The following SPOCK3 variants were observed in gnomAD, a reference collection of about 807,000 sequenced individuals.
SPOCK3 encodes testican-3.
A neutral mutation model predicts 56.6 loss-of-function variants in SPOCK3; 30 were observed. The observed-to-expected ratio is 0.53, with a 90% CI of 0.40 to 0.72. The LOEUF (loss-of-function observed/expected upper bound fraction) is 0.72. SPOCK3 is among the 30% of genes least tolerant of loss of function. The pLI is 0.00. For missense variants in SPOCK3, 527 were observed against 530.0 expected (o/e 0.99, Z 0.06); for synonymous variants, 196 against 183.3 (o/e 1.07, Z -0.56).
chr4:167,093,672 T>G (rs2150313493), intron 2 of SPOCK3, among the ~76,000 whole-genome samples: 1 of 152,356 alleles, frequency 6.6e-6, no homozygotes, highest in South Asian at 2.1e-4. Context: ...ATGTGCCACA[T>G]TTTGTTTTTC....
At chr4:167,030,107 A>G (rs1029011966) in intron 3 of SPOCK3, among the ~76,000 whole-genome samples, 1 of 151,132 alleles carries the variant, frequency 6.6e-6, no homozygotes, top group African/African-American at 2.4e-5. Flanking sequence ...CTATCTATCT[A>G]TCTATCTATC....
intron 2 of SPOCK3, among the ~76,000 whole-genome samples, chr4:167,209,906 G>T (rs1245829897): frequency 1.3e-5 from 2 of 152,104 alleles, no homozygotes; most frequent in Admixed American, 1.3e-4. Flanking sequence ...TTCTCACTCT[G>T]CTTTCTATTT....
At chr4:167,063,733 A>G (rs1305208694) in intron 2 of SPOCK3, among the ~76,000 whole-genome samples, 2 of 151,872 alleles carry the variant, frequency 1.3e-5, no homozygotes, top group African/African-American at 4.8e-5. Context: ...GTCAATGTGT[A>G]CACATTATTT....
chr4:166,944,553 G>T (rs979439371), intron 4 of SPOCK3, among the ~76,000 whole-genome samples: 14 of 152,062 alleles, frequency 9.2e-5, no homozygotes, highest in Admixed American at 9.2e-4. Context: ...TCTTGAGGGA[G>T]GGGTGGATTT....
chr4:167,039,706 T>C (rs752994219), intron 3 of SPOCK3, among the ~76,000 whole-genome samples: 1 of 151,986 alleles, frequency 6.6e-6, no homozygotes, highest in African/African-American at 2.4e-5. Flanking sequence ...AAAGTTGCAC[T>C]GTATACACTG....
chr4:166,850,578 GC>G (rs1177810671), intron 6 of SPOCK3, among the ~76,000 whole-genome samples: 1 of 152,186 alleles, frequency 6.6e-6, no homozygotes, highest in East Asian at 1.9e-4. Context: ...ACTAGGGAGT[GC>G]CAGACAGCGG....
At chr4:167,096,104 A>T (rs1488921043) in intron 2 of SPOCK3, among the ~76,000 whole-genome samples, 5 of 151,950 alleles carry the variant, frequency 3.3e-5, no homozygotes, top group African/African-American at 9.7e-5. Flanking sequence ...AGAACACCAT[A>T]AAAAGACCTG....
At position 166,971,699 on chromosome 4, in the gene SPOCK3, C is replaced by T. The variant is rs542185743; in HGVS notation, c.350+28650G>A. 3.7e-4 allele frequency among the ~76,000 whole-genome samples: 57 copies of T among 152,186 alleles called. 2 individuals carry two copies. Among genetic ancestry groups the T allele is most frequent in the Admixed American group, 3.7e-3 (57 of 15,264 alleles). The stretch of plus-strand genomic sequence containing the variant: ...TAAGAATATAACTCCTCTAACTCAA[C>T]GAATACTCCAATAATGCACTAAAGT... On this transcript the variant is annotated intron_variant, in intron 4 of 10. Coordinates refer to ENST00000357545, the MANE Select transcript of SPOCK3 (RefSeq NM_001040159.2).
intron 6 of SPOCK3, among the ~76,000 whole-genome samples, chr4:166,852,154 T>TGGG (rs1730187922): frequency 6.6e-6 from 1 of 151,390 alleles, no homozygotes; most frequent in South Asian, 2.1e-4. Context: ...TTGTGGGTTG[T>TGGG]GGGGAGGGGG....
intron 4 of SPOCK3, among the ~76,000 whole-genome samples, chr4:166,922,730 C>A (rs536466516): frequency 6.6e-6 from 1 of 152,268 alleles, no homozygotes; most frequent in Non-Finnish European, 1.5e-5. Context: ...CTGTTGAACT[C>A]CACTTACAAG....
At chr4:167,116,675 A>G (rs1325327675) in intron 2 of SPOCK3, among the ~76,000 whole-genome samples, 5 of 95,294 alleles carry the variant, frequency 5.2e-5, no homozygotes, top group Non-Finnish European at 9.1e-5. Flanking sequence ...TATAGTATAT[A>G]TGTATATATA....
chr4:166,908,826 C>T (rs1736922468), intron 5 of SPOCK3, among the ~76,000 whole-genome samples: 7 of 151,976 alleles, frequency 4.6e-5, no homozygotes, highest in Non-Finnish European at 1.0e-4. Context: ...AAGAACATTC[C>T]TAGTTCTTAC....
intron 2 of SPOCK3, among the ~76,000 whole-genome samples, chr4:167,074,500 T>C (rs941141631): frequency 2.6e-5 from 4 of 151,938 alleles, no homozygotes; most frequent in African/African-American, 9.7e-5. Flanking sequence ...CCTTGCCACA[T>C]GGGCCTCTCC....
At chr4:167,155,579 C>T (rs1764748748) in intron 2 of SPOCK3, among the ~76,000 whole-genome samples, 1 of 152,144 alleles carries the variant, frequency 6.6e-6, no homozygotes. Context: ...TTTTTCAACT[C>T]ATTAAAGATT....
At chr4:166,927,838 A>G (rs1048921529) in intron 4 of SPOCK3, among the ~76,000 whole-genome samples, 1 of 152,206 alleles carries the variant, frequency 6.6e-6, no homozygotes, top group Non-Finnish European at 1.5e-5. Context: ...ATATCTGATA[A>G]AAGTCTGTTA....
intron 8 of SPOCK3, among the ~76,000 whole-genome samples, chr4:166,742,536 G>A (rs1208453505): frequency 6.6e-6 from 1 of 152,152 alleles, no homozygotes; most frequent in South Asian, 2.1e-4. Context: ...ATATAGACAA[G>A]TAACTTTGTG....
chr4:166,820,218 ATC>A, intron 6 of SPOCK3, among the ~76,000 whole-genome samples: 1 of 152,248 alleles, frequency 6.6e-6, no homozygotes, highest in Non-Finnish European at 1.5e-5. Context: ...ATATGTTCTC[ATC>A]ACAAAAAAGT....
intron 6 of SPOCK3, among the ~76,000 whole-genome samples, chr4:166,856,812 A>ATC (rs1560938571): frequency 2.6e-4 from 23 of 87,820 alleles, no homozygotes; most frequent in African/African-American, 5.6e-4. Context: ...ATCTATCTAG[A>ATC]TATCTAGATA....
chr4:167,081,719 G>A (rs1185880550), intron 2 of SPOCK3, among the ~76,000 whole-genome samples: 1 of 151,946 alleles, frequency 6.6e-6, no homozygotes. Context: ...GAGGCAAGGA[G>A]GGAGCCAAAA....
Sources: allele counts gnomAD v4.1 joint callset (sites outside exome capture counted in the v4.1 genomes callset), GRCh38; gene constraint gnomAD v4.1.1; transcripts MANE v1.5; gene names NCBI Gene and HGNC (gene_info 2026-07-23, HGNC 2026-07-21).